DLG2: variants seen among roughly 807,000 people sequenced by gnomAD.
DLG2 encodes discs large MAGUK scaffold protein 2.
Under a neutral mutation model 132.5 loss-of-function variants are expected in DLG2, and 45 were observed. That is an observed-to-expected ratio of 0.34 (90% confidence interval 0.27 to 0.44). The LOEUF (loss-of-function observed/expected upper bound fraction) is 0.44, where lower values mean the gene tolerates loss of function less well. Ranked by LOEUF, DLG2 falls within the 20% of genes least tolerant of loss-of-function variation. The pLI, the probability that DLG2 is intolerant of heterozygous loss-of-function variation, is 1.00. For missense variants in DLG2, 1,045 were observed against 1,196.9 expected (o/e 0.87, Z 1.87); for synonymous variants, 424 against 419.6 (o/e 1.01, Z -0.13).
intron 3 of DLG2, among the ~76,000 whole-genome samples, chr11:85,424,139 C>T (rs1302355675): frequency 2.6e-5 from 4 of 152,202 alleles, no homozygotes; most frequent in Non-Finnish European, 5.9e-5. Flanking sequence ...ACTGACTCAG[C>T]TCCAGGTAAG....
intron 6 of DLG2, among the ~76,000 whole-genome samples, chr11:84,927,655 G>C (rs1073987): frequency 0.36 from 54,853 of 151,818 alleles, 10,603 homozygotes; most frequent in East Asian, 0.67. Flanking sequence ...TACATAGTGT[G>C]TTCCAATAAA....
chr11:85,139,139 T>C (rs1325090498), intron 5 of DLG2, among the ~76,000 whole-genome samples: 1 of 152,112 alleles, frequency 6.6e-6, no homozygotes, highest in Non-Finnish European at 1.5e-5. Context: ...TCCCAGTTTA[T>C]TTCCTCCATA....
intron 6 of DLG2, among the ~76,000 whole-genome samples, chr11:84,629,929 T>C (rs185968286): frequency 4.6e-5 from 7 of 152,238 alleles, no homozygotes; most frequent in Non-Finnish European, 8.8e-5. Flanking sequence ...AGAGACAGCA[T>C]CTTAAAATAA....
At chr11:84,287,736 T>C (rs913590311) in intron 7 of DLG2, among the ~76,000 whole-genome samples, 3 of 104,842 alleles carry the variant, frequency 2.9e-5, no homozygotes, top group African/African-American at 1.2e-4. Context: ...TTTTTCTCTC[T>C]CTTAGACACA....
intron 6 of DLG2, among the ~76,000 whole-genome samples, chr11:84,912,451 C>T (rs1294513975): frequency 6.6e-6 from 1 of 152,314 alleles, no homozygotes; most frequent in Admixed American, 6.5e-5. Flanking sequence ...CCACTGCTCC[C>T]GGCCTTTACT....
At chr11:85,198,982 C>T (rs1292070515) in intron 4 of DLG2, among the ~76,000 whole-genome samples, 2 of 152,158 alleles carry the variant, frequency 1.3e-5, no homozygotes, top group Non-Finnish European at 2.9e-5. Context: ...ACCTTCCCCA[C>T]ACATACTTTG....
intron 18 of DLG2, among the ~76,000 whole-genome samples, chr11:83,774,453 T>A (rs999725429): frequency 2.6e-5 from 4 of 152,230 alleles, no homozygotes; most frequent in African/African-American, 9.6e-5. Context: ...ATCATCATTT[T>A]ACAGATAAAG....
intron 16 of DLG2, among the ~76,000 whole-genome samples, chr11:83,837,744 A>AAT: frequency 6.7e-6 from 1 of 150,126 alleles, no homozygotes; most frequent in Non-Finnish European, 1.5e-5. Context: ...AAAAAAAAAA[A>AAT]AAAGAAAAGA....
intron 3 of DLG2, among the ~76,000 whole-genome samples, chr11:85,582,660 CAA>C (rs59452629): frequency 3.7e-5 from 1 of 27,142 alleles, no homozygotes; most frequent in East Asian, 1.4e-3. Context: ...CCCATCTCTA[CAA>C]AAAAAAAAAA....
intron 6 of DLG2, among the ~76,000 whole-genome samples, chr11:85,044,730 G>C (rs2062175245): frequency 6.6e-6 from 1 of 151,928 alleles, no homozygotes; most frequent in Admixed American, 6.6e-5. Flanking sequence ...TAACCCATCA[G>C]AAAAGCAATT....
chr11:84,818,800 C>T (rs1021778681), intron 6 of DLG2, among the ~76,000 whole-genome samples: 6 of 151,908 alleles, frequency 3.9e-5, no homozygotes, highest in African/African-American at 1.4e-4. Flanking sequence ...TGCCCAAATA[C>T]TCATCTTGAG....
At chr11:85,268,830 G>C (rs553085713) in intron 4 of DLG2, among the ~76,000 whole-genome samples, 1 of 152,274 alleles carries the variant, frequency 6.6e-6, no homozygotes, top group South Asian at 2.1e-4. Flanking sequence ...AAGAAAGGTT[G>C]GGAGAAGAAT....
rs1591217256 is a variant in DLG2 at position 85,603,642 on chromosome 11, A to T, written c.-92-4854T>A. Among the ~76,000 whole-genome samples, 3 of 151,780 alleles carry T rather than the reference A, an allele frequency of 2.0e-5. No homozygotes were observed. In the South Asian group the frequency reaches 6.2e-4, roughly 32 times the overall value. ...TTTAAAGGGCAATTCTTGGCCAGGC[A>T]CGGTGGCTCACACCTATAATTCCAG... is the stretch of plus-strand genomic sequence containing the variant. On this transcript the variant is annotated intron_variant, in intron 2 of 27. Coordinates refer to ENST00000376104, the MANE Select transcript of DLG2 (RefSeq NM_001142699.3).
intron 6 of DLG2, among the ~76,000 whole-genome samples, chr11:84,784,143 C>CAAAAAAAAAAAAAAA (rs59301159): frequency 1.2e-4 from 1 of 8,656 alleles, no homozygotes; most frequent in African/African-American, 4.7e-4. Flanking sequence ...ACTAAAAATG[C>CAAAAAAAAAAAAAAA]AAAAAAAAAA....
In DLG2 at chr11:83,575,398, TGAGAATCTGAA is replaced by T. The variant is rs1191903057; in HGVS notation, c.1941-33551_1941-33541del. 3.3e-5 allele frequency among the ~76,000 whole-genome samples: 5 copies of T among 152,120 alleles called. No individual in the cohort carries two copies. In the East Asian group the frequency reaches 9.7e-4, roughly 29 times the overall value. On this transcript the variant is annotated intron_variant, in intron 19 of 27. Transcript: ENST00000376104. ...ACTCTCTTAGTTGAAGACATGGAACTGAGAATCTGAAGAGATCAACATGGCTAGAGTTTGCA... is the reference window on the plus strand; with the variant it reads ...ACTCTCTTAGTTGAAGACATGGAACTGAGATCAACATGGCTAGAGTTTGCA...
In DLG2 at chr11:83,460,141, C is replaced by T. The variant is rs771731660; in HGVS notation, c.2822-217G>A. 1.7e-3 allele frequency among the ~76,000 whole-genome samples: 257 copies of T among 152,198 alleles called. 1 individual carries two copies. The highest frequency in any genetic ancestry group is 3.3e-3 in the Non-Finnish European group (227 of 68,030). On this transcript the variant is annotated intron_variant, in intron 27 of 27. Coordinates refer to ENST00000376104, the MANE Select transcript of DLG2 (RefSeq NM_001142699.3). Reference sequence around the variant, plus strand: ...TTCAATGGATATCCTGGATCAGTAACAAATGATTCACAGTCTTTGCACTTT... The same window carrying T: ...TTCAATGGATATCCTGGATCAGTAATAAATGATTCACAGTCTTTGCACTTT...
chr11:85,339,079 C>T (rs985765888), intron 3 of DLG2, among the ~76,000 whole-genome samples: 3 of 152,060 alleles, frequency 2.0e-5, no homozygotes, highest in Non-Finnish European at 2.9e-5. Flanking sequence ...TTTTTAGATC[C>T]CCTTATTTCT....
chr11:84,525,964 A>AT (rs570921668), intron 7 of DLG2, among the ~76,000 whole-genome samples: 1 of 151,838 alleles, frequency 6.6e-6, no homozygotes, highest in African/African-American at 2.4e-5. Flanking sequence ...CTCGTGTATA[A>AT]TTTTTTTTCT....
At chr11:84,231,867 C>A (rs944365799) in intron 8 of DLG2, among the ~76,000 whole-genome samples, 2 of 151,892 alleles carry the variant, frequency 1.3e-5, no homozygotes, top group Non-Finnish European at 2.9e-5. Flanking sequence ...GACCAAGGGT[C>A]TTGACAATGA....
Sources: allele counts gnomAD v4.1 joint callset (sites outside exome capture counted in the v4.1 genomes callset), GRCh38; gene constraint gnomAD v4.1.1; transcripts MANE v1.5; gene names NCBI Gene and HGNC (gene_info 2026-07-23, HGNC 2026-07-21).